SPOUT1: variants seen among roughly 807,000 people sequenced by gnomAD.
SPOUT1 encodes the protein 28S rRNA (uridine-N(3))-methyltransferase.
A neutral mutation model predicts 54.8 loss-of-function variants in SPOUT1; 40 were observed. The observed-to-expected ratio is 0.73, with a 90% CI of 0.57 to 0.95. The LOEUF (loss-of-function observed/expected upper bound fraction) is 0.95. SPOUT1 is among the 40% of genes least tolerant of loss of function. The pLI is 0.00. For missense variants in SPOUT1, 437 were observed against 499.5 expected, an observed-to-expected ratio of 0.87 and a Z score of 1.19; for synonymous variants, 193 against 200.3, an observed-to-expected ratio of 0.96 and a Z score of 0.31.
chr9:128,827,264 C>G (rs564442406), intron 3 of SPOUT1, 73 bp from the exon 4 acceptor site: 691 of 1,388,058 alleles, frequency 5.0e-4, no homozygotes, highest in Non-Finnish European at 6.1e-4. Flanking sequence ...CTTCCTCTGT[C>G]CCTAGCGCCC....
intron 3 of SPOUT1, among the ~76,000 whole-genome samples, chr9:128,828,371 C>A (rs934335900): frequency 1.3e-5 from 2 of 152,054 alleles, no homozygotes; most frequent in African/African-American, 4.8e-5. Context: ...TGGCACACTT[C>A]TGTAATCCCA....
At position 128,822,713 on chromosome 9, in the gene SPOUT1, G is replaced by A; in HGVS notation, c.*52C>T. 1 of 1,555,372 alleles carries A rather than the reference G, an allele frequency of 6.4e-7. No individual in the cohort carries two copies. Among genetic ancestry groups the A allele is most frequent in the Non-Finnish European group, 8.7e-7 (1 of 1,148,704 alleles). ...TGGCGTCCGTCCCAAGTGACCTGCAGAGCCCCTGGTTTCACTGCTGCTTCA... is the reference window on the plus strand; with the variant it reads ...TGGCGTCCGTCCCAAGTGACCTGCAAAGCCCCTGGTTTCACTGCTGCTTCA... On this transcript the variant is annotated 3_prime_UTR_variant, in exon 12 of 12. Coordinates refer to ENST00000361256, the MANE Select transcript of SPOUT1 (RefSeq NM_016390.4).
In SPOUT1 at chr9:128,825,913, A is replaced by C. The variant is rs1049368144; in HGVS notation, c.639+109T>G. 48 of 1,405,238 alleles carry C rather than the reference A, an allele frequency of 3.4e-5. No individual in the cohort carries two copies. The African/African-American group carries it at 6.1e-4, about 18-fold the overall frequency. 87.0% of individuals were successfully genotyped at this position (1,405,238 alleles called of 1,614,324 possible). A position where few individuals can be genotyped will look rare whatever the true frequency, so the allele number is the denominator to read the frequency against. ...CAATTCTCTGGCCCAAATTTGCATC[A>C]GTGAGGGATTTCGGGCAGGTCCAGG... On this transcript the variant is annotated intron_variant, in intron 7 of 11. Transcript: ENST00000361256.
In SPOUT1 at chr9:128,828,767, T is replaced by C; in HGVS notation, c.176A>G (p.Glu59Gly). ...AQEEQAKRLE[E>G]EEAAAEKEDR... ...CTCCTTCTCTGCCGCTGCCTCCTCC[T>C]CTTCCAGGCGCTTTGCCTGTTCCTC... Residue 59 changes from glutamate to glycine, a missense_variant, in exon 3 of 12, where the codon GAG becomes GGG. By Grantham distance (98) the Glu-to-Gly change is moderately conservative (BLOSUM62 -2). Coordinates refer to ENST00000361256, the MANE Select transcript of SPOUT1 (RefSeq NM_016390.4). The C allele has an allele frequency of 3.1e-6, 5 of 1,614,118 alleles. No homozygotes were observed. The highest frequency in any genetic ancestry group is 4.2e-6 in the Non-Finnish European group (5 of 1,180,034).
At chr9:128,827,292 C>A in intron 3 of SPOUT1, 101 bp from the exon 4 acceptor site, 1 of 1,160,782 alleles carries the variant, frequency 8.6e-7, no homozygotes. Context: ...GAGAATTTCC[C>A]AAGTGGGAGG....
At chr9:128,824,692 G>T in intron 9 of SPOUT1, 79 bp downstream of exon 9, 1 of 995,306 alleles carries the variant, frequency 1.0e-6, no homozygotes, top group Non-Finnish European at 1.6e-6. Context: ...ACCCTGGTCT[G>T]ATATTTGGGT....
chr9:128,820,500 C>T lies in SPOUT1; in HGVS notation c.*2265G>A, dbSNP rs1416276039. On this transcript the variant is annotated 3_prime_UTR_variant, in exon 12 of 12. Transcript: ENST00000361256. ...AGACAGGCTCTTCCTTCATTCGACT[C>T]TTGGGAGCTGAGAAAAGACTTTGAC... is the stretch of plus-strand genomic sequence containing the variant. The T allele has an allele frequency of 2.1e-5, 11 of 531,046 alleles. No homozygotes were observed. The East Asian group carries it at 3.1e-4, about 15-fold the overall frequency. The allele number at this position is 531,046 out of a possible 1,614,324, so 32.9% of individuals were successfully genotyped here.
rs749369170 is a variant in SPOUT1, at chr9:128,829,785, C to G, written c.-5G>C. 8.1e-6 allele frequency: 13 copies of G among 1,601,238 alleles called. No homozygotes were observed. The highest frequency in any genetic ancestry group is 8.5e-6 in the Non-Finnish European group (10 of 1,174,752). ...CTTCCTGCCGCGCTCCGCCATGTTC[C>G]GCACACACCGTCGGTCCCGCCTCTG... On this transcript the variant is annotated 5_prime_UTR_variant, in exon 1 of 12. Coordinates refer to ENST00000361256, the MANE Select transcript of SPOUT1 (RefSeq NM_016390.4).
At chr9:128,829,212 G>C in intron 1 of SPOUT1, 57 bp from the exon 2 acceptor site, 1 of 1,468,022 alleles carries the variant, frequency 6.8e-7, no homozygotes, top group Non-Finnish European at 9.6e-7. Context: ...ACACCTGGAG[G>C]GGGTCCGTTT....
In SPOUT1 at chr9:128,824,797, T is replaced by C. The variant is rs1354259915; in HGVS notation, c.785A>G (p.Tyr262Cys). 2 of 1,613,868 alleles carry C rather than the reference T, an allele frequency of 1.2e-6. No individual in the cohort carries two copies. The highest frequency in any genetic ancestry group is 1.1e-5 in the South Asian group (1 of 91,076). The part of the protein sequence containing the change: ...PRTKAGLYWG[Y>C]TVRLASCLSA... The stretch of plus-strand genomic sequence containing the variant: ...GAGGCAGGAAGCCAGTCGGACGGTG[T>C]AGCCCCAGTAGAGACCAGCTTTGGT... Residue 262 changes from tyrosine (Y) to cysteine (C), a missense_variant, in exon 9 of 12, where the codon TAC (tyrosine) becomes TGC (cysteine). Tyr to Cys is a radical substitution (Grantham distance 194, BLOSUM62 -2). Coordinates refer to ENST00000361256, the MANE Select transcript of SPOUT1 (RefSeq NM_016390.4).
chr9:128,820,587 G>A lies in SPOUT1; in HGVS notation c.*2178C>T. On this transcript the variant is annotated 3_prime_UTR_variant, in exon 12 of 12. Transcript: ENST00000361256. ...CACTCTATCAGCCCTGGGTTTCAGG[G>A]AGTGACTTTCATTCCTTGAGCCTCA... is the stretch of plus-strand genomic sequence containing the variant. 1 of 660,558 alleles carries A rather than the reference G, an allele frequency of 1.5e-6. No homozygotes were observed. The highest frequency in any genetic ancestry group is 2.7e-6 in the Non-Finnish European group (1 of 374,810). 40.9% of individuals were successfully genotyped at this position (660,558 alleles called of 1,614,324 possible).
Position 128,822,643 on chromosome 9 carries a change from A to T in SPOUT1, c.*122T>A, listed in dbSNP as rs577543833. 2 of 1,557,742 alleles carry T rather than the reference A, an allele frequency of 1.3e-6. No individual in the cohort carries two copies. The highest frequency in any genetic ancestry group is 2.4e-5 in the East Asian group (1 of 41,990). On this transcript the variant is annotated 3_prime_UTR_variant, in exon 12 of 12. Transcript: ENST00000361256. Reference sequence around the variant, plus strand: ...GCCCAGTGAGACTGTGGGTGTGTGCAGGCCGGGGAGTATTAAAGGTGGTGA... The same window carrying T: ...GCCCAGTGAGACTGTGGGTGTGTGCTGGCCGGGGAGTATTAAAGGTGGTGA...
In SPOUT1 at chr9:128,826,975, A is replaced by C; in HGVS notation, c.368+57T>G. The C allele has an allele frequency of 6.4e-7, 1 of 1,568,336 alleles. No individual in the cohort carries two copies. The highest frequency in any genetic ancestry group is 1.7e-5 in the Admixed American group (1 of 58,872). On this transcript the variant is annotated intron_variant, in intron 4 of 11. Transcript: ENST00000361256. The surrounding 1 kb of genome is among the most constrained non-coding windows in gnomAD (Gnocchi z 5.5). ...CGGGGCCATGGTGAAGCCTCGGCCC[A>C]TCCCGGCAGCCCCTCCCTCTCCCTG...
chr9:128,829,026 A>C, intron 2 of SPOUT1, 84 bp downstream of exon 2: 1 of 1,509,796 alleles, frequency 6.6e-7, no homozygotes, highest in Non-Finnish European at 9.2e-7. Context: ...CCCAGAGGGA[A>C]CAAAGTTGGT....
rs780558293 is a variant in SPOUT1 at position 128,824,814 on chromosome 9, A to G, written c.768T>C (p.Ala256=). 3 of 1,614,116 alleles carry G rather than the reference A, an allele frequency of 1.9e-6. No individual in the cohort carries two copies. Among genetic ancestry groups the G allele is most frequent in the Non-Finnish European group, 2.5e-6 (3 of 1,180,006 alleles). The change falls in exon 9 of 12, where the codon GCT becomes GCC. Residue 256 remains alanine (A), a synonymous_variant. Transcript: ENST00000361256. ...GGACGGTGTAGCCCCAGTAGAGACC[A>G]GCTTTGGTGCGAGGGTCCTGCGATG... is the stretch of plus-strand genomic sequence containing the variant. ...VVSSQDPRTK[A]GLYWGYTVRL...
chr9:128,820,828 A>T lies in SPOUT1; in HGVS notation c.*1937T>A, dbSNP rs1320921969. On this transcript the variant is annotated 3_prime_UTR_variant, in exon 12 of 12. Coordinates refer to ENST00000361256, the MANE Select transcript of SPOUT1 (RefSeq NM_016390.4). ...GCTACCAAAACGTCTATGTCTGCAC[A>T]GGGCCACTCTTCCTGCCCAGGTAAG... 3.1e-6 allele frequency: 5 copies of T among 1,610,708 alleles called. No homozygotes were observed. The highest frequency in any genetic ancestry group is 4.2e-6 in the Non-Finnish European group (5 of 1,178,410).
rs1353091953 is a variant in SPOUT1 at position 128,826,988 on chromosome 9, C to G, written c.368+44G>C. 2 of 1,595,702 alleles carry G rather than the reference C, an allele frequency of 1.3e-6. No homozygotes were observed. Among genetic ancestry groups the G allele is most frequent in the Admixed American group, 1.7e-5 (1 of 59,450 alleles). ...AAGCCTCGGCCCATCCCGGCAGCCC[C>G]TCCCTCTCCCTGAACCCTGGCACCC... is the stretch of plus-strand genomic sequence containing the variant. On this transcript the variant is annotated intron_variant, in intron 4 of 11. Transcript: ENST00000361256. The surrounding 1 kb of genome is among the most constrained non-coding windows in gnomAD (Gnocchi z 5.5).
chr9:128,826,589 G>A lies in SPOUT1; in HGVS notation c.409C>T (p.Gln137Ter). ...ATCCGGGCCAGCTGTACGCACGCCTGCCCCTTCTTCCCAACTCCTGTGAAT... is the reference window on the plus strand; with the variant it reads ...ATCCGGGCCAGCTGTACGCACGCCTACCCCTTCTTCCCAACTCCTGTGAAT... ...GEFTGVGKKGQACVQLARILQ... is the reference protein window; with the variant it reads ...GEFTGVGKKG The change falls in exon 5 of 12, where the codon CAG becomes TAG. Residue 137 changes from glutamine to a stop codon, truncating the protein, a stop_gained. Coordinates refer to ENST00000361256, the MANE Select transcript of SPOUT1 (RefSeq NM_016390.4). LOFTEE classifies it high-confidence loss of function. The surrounding 1 kb of genome is among the most constrained non-coding windows in gnomAD (Gnocchi z 5.5). The A allele has an allele frequency of 6.2e-7, 1 of 1,601,444 alleles. No individual in the cohort carries two copies. The highest frequency in any genetic ancestry group is 8.5e-7 in the Non-Finnish European group (1 of 1,173,162).
rs370039126 is a variant in SPOUT1, at chr9:128,820,712, C to T, written c.*2053G>A. The T allele has an allele frequency of 6.3e-7, 1 of 1,582,414 alleles. No homozygotes were observed. Among genetic ancestry groups the T allele is most frequent in the South Asian group, 1.1e-5 (1 of 87,420 alleles). On this transcript the variant is annotated 3_prime_UTR_variant, in exon 12 of 12. Coordinates refer to ENST00000361256, the MANE Select transcript of SPOUT1 (RefSeq NM_016390.4). ...GAGGAGGAAGGGTCCCAGCCACAGT[C>T]CTGCTAAGCCCTATCTCTCCTACCA... is the stretch of plus-strand genomic sequence containing the variant.
Sources: gnomAD v4.1 joint callset for allele counts (sites outside exome capture counted in the v4.1 genomes callset) on GRCh38, gnomAD v4.1.1 for gene constraint, Gnocchi (gnomAD v3.1) non-coding constraint, MANE v1.5 for transcripts, NCBI Gene and HGNC (gene_info 2026-07-23, HGNC 2026-07-21) for gene names.